FMNL2: variants seen among roughly 807,000 people sequenced by gnomAD.
The protein encoded by FMNL2 is formin like 2.
A neutral mutation model predicts 130.2 loss-of-function variants in FMNL2; 51 were observed. That is an observed-to-expected ratio of 0.39 (90% CI 0.31 to 0.49). The LOEUF is 0.49. Among genes scored for constraint, FMNL2 ranks in the 20% least tolerant of loss-of-function variants. FMNL2 has a pLI of 0.85. For synonymous variants in FMNL2, 465 were observed against 467.1 expected, an observed-to-expected ratio of 1.00 and a Z score of 0.06; for missense variants, 977 against 1,316.2, an observed-to-expected ratio of 0.74 and a Z score of 3.99.
intron 1 of FMNL2, among the ~76,000 whole-genome samples, chr2:152,427,150 A>G (rs1687242649): frequency 1.3e-5 from 2 of 152,244 alleles, no homozygotes; most frequent in South Asian, 4.1e-4. Context: ...AAACTAGCAT[A>G]AAATGAAAAT....
chr2:152,562,962 T>G lies in FMNL2; in HGVS notation c.596+1927T>G, dbSNP rs73968084. Among the ~76,000 whole-genome samples, 346 of 152,322 alleles carry G rather than the reference T, an allele frequency of 2.3e-3. 4 individuals are homozygous for G. Among genetic ancestry groups the G allele is most frequent in the African/African-American group, 7.9e-3 (329 of 41,576 alleles). Reference sequence around the variant, plus strand: ...AAGCTACCACCTTAGTAAGGATTTGTTTTTCTGGTTAATAATTCAGTATGC... The same window carrying G: ...AAGCTACCACCTTAGTAAGGATTTGGTTTTCTGGTTAATAATTCAGTATGC... On this transcript the variant is annotated intron_variant, in intron 6 of 25. Transcript: ENST00000288670.
chr2:152,622,235 T>C (rs1420679145), intron 15 of FMNL2, among the ~76,000 whole-genome samples: 1 of 152,204 alleles, frequency 6.6e-6, no homozygotes, highest in Non-Finnish European at 1.5e-5. Flanking sequence ...GTTGATTGTT[T>C]TTCATGTAAA....
At chr2:152,375,877 C>CTCTCTCTCTCTCTCTCTATATATA (rs796954245) in intron 1 of FMNL2, among the ~76,000 whole-genome samples, 5 of 112,482 alleles carry the variant, frequency 4.4e-5, no homozygotes, top group South Asian at 3.6e-4. Flanking sequence ...CTCTCTCTCT[C>CTCTCTCTCTCTCTCTCTATATATA]TATATATATA....
chr2:152,398,899 G>C (rs934123264), intron 1 of FMNL2, among the ~76,000 whole-genome samples: 3 of 152,152 alleles, frequency 2.0e-5, no homozygotes, highest in Non-Finnish European at 1.5e-5. Flanking sequence ...TATTTGGTTT[G>C]GGTAGGAAAA....
At chr2:152,626,383 C>G in intron 16 of FMNL2, 142 bp from the exon 17 acceptor site, 3 of 691,318 alleles carry the variant, frequency 4.3e-6, no homozygotes, top group Non-Finnish European at 7.3e-6. Flanking sequence ...ATAACAAAAA[C>G]AAGAAAAATA....
chr2:152,626,853 T>C, intron 17 of FMNL2, 126 bp downstream of exon 17: 1 of 982,182 alleles, frequency 1.0e-6, no homozygotes, highest in Non-Finnish European at 1.5e-6. Context: ...GAGCAATTTT[T>C]GATATCCACA....
Position 152,414,861 on chromosome 2 carries a change from A to G in FMNL2, c.117+79141A>G, listed in dbSNP as rs537439874. Among the ~76,000 whole-genome samples, 14 of 152,248 alleles carry G rather than the reference A, an allele frequency of 9.2e-5. No individual in the cohort carries two copies. The South Asian group carries it at 2.9e-3, about 32-fold the overall frequency. ...CATTAACTGTCAGCCATACCTGTGT[A>G]CCTCAACACTCACTGGTTGCTGCCT... On this transcript the variant is annotated intron_variant, in intron 1 of 25. Transcript: ENST00000288670.
chr2:152,602,933 G>A (rs973573555), intron 9 of FMNL2, among the ~76,000 whole-genome samples: 6 of 152,360 alleles, frequency 3.9e-5, no homozygotes, highest in Admixed American at 2.6e-4. Flanking sequence ...CACCCAGTGC[G>A]TGGGGGTGCT....
intron 1 of FMNL2, among the ~76,000 whole-genome samples, chr2:152,364,597 A>G (rs56220036): frequency 0.51 from 78,043 of 152,036 alleles, 24,076 homozygotes; most frequent in Non-Finnish European, 0.72. Context: ...CCAATACATT[A>G]ATCTATTTAG....
chr2:152,453,852 G>C (rs376644650), intron 1 of FMNL2, among the ~76,000 whole-genome samples: 1 of 152,306 alleles, frequency 6.6e-6, no homozygotes, highest in South Asian at 2.1e-4. Flanking sequence ...ATGTGCTCTC[G>C]TGTCCTAGCC....
rs1261470740 is a variant in FMNL2 at position 152,649,553 on chromosome 2, TCAA to T, written c.*1651_*1653del. On this transcript the variant is annotated 3_prime_UTR_variant, in exon 26 of 26. Coordinates refer to ENST00000288670, the MANE Select transcript of FMNL2 (RefSeq NM_052905.4). ...GCCACGATTTTGTCTTTCTGTGGAC[TCAA>T]CATTCACTTCGATTAAAAATAGCAA... The T allele has an allele frequency of 6.6e-6, 1 of 152,656 alleles. No homozygotes were observed. Among genetic ancestry groups the T allele is most frequent in the Non-Finnish European group, 1.5e-5 (1 of 68,042 alleles). 9.5% of individuals were successfully genotyped at this position (152,656 alleles called of 1,614,324 possible).
At chr2:152,505,707 C>T (rs1278534473) in intron 1 of FMNL2, among the ~76,000 whole-genome samples, 2 of 152,326 alleles carry the variant, frequency 1.3e-5, no homozygotes, top group Non-Finnish European at 2.9e-5. Context: ...TAAGGGTCAT[C>T]GGGCTCCAGC....
At chr2:152,354,496 C>T (rs558481137) in intron 1 of FMNL2, among the ~76,000 whole-genome samples, 12 of 152,062 alleles carry the variant, frequency 7.9e-5, no homozygotes, top group Non-Finnish European at 5.9e-5. Flanking sequence ...CCCAGTAAAC[C>T]CCTGCGTTAT....
Position 152,628,290 on chromosome 2 carries a change from T to C in FMNL2, c.2166-9T>C, listed in dbSNP as rs1030295648. The C allele has an allele frequency of 6.8e-6, 11 of 1,612,256 alleles. No individual in the cohort carries two copies. In the Admixed American group the frequency reaches 1.2e-4, roughly 17 times the overall value. The stretch of plus-strand genomic sequence containing the variant: ...TCTCTAATGCTAATCTCTCCACATC[T>C]GTCTTTAGATTTGACTTGAAGACAC... On this transcript the variant is annotated splice_polypyrimidine_tract_variant and intron_variant, in intron 17 of 25. Coordinates refer to ENST00000288670, the MANE Select transcript of FMNL2 (RefSeq NM_052905.4).
intron 1 of FMNL2, among the ~76,000 whole-genome samples, chr2:152,336,492 G>T (rs917539577): frequency 6.6e-6 from 1 of 152,166 alleles, no homozygotes; most frequent in African/African-American, 2.4e-5. Context: ...GCCCAGCCAG[G>T]TCCCCCGCTC....
chr2:152,549,864 C>A (rs555652074), intron 4 of FMNL2, among the ~76,000 whole-genome samples: 17 of 152,282 alleles, frequency 1.1e-4, no homozygotes, highest in African/African-American at 3.8e-4. Flanking sequence ...ATTGGGCAAG[C>A]TATTTAACCC....
intron 20 of FMNL2, among the ~76,000 whole-genome samples, chr2:152,631,213 C>T (rs1682136582): frequency 6.6e-6 from 1 of 151,738 alleles, no homozygotes; most frequent in Non-Finnish European, 1.5e-5. Flanking sequence ...TGGCGAAACC[C>T]TGTCTCTACT....
intron 1 of FMNL2, among the ~76,000 whole-genome samples, chr2:152,351,891 C>A (rs1472539585): frequency 9.9e-5 from 15 of 152,176 alleles, no homozygotes; most frequent in Non-Finnish European, 1.8e-4. Context: ...AATCACCATT[C>A]TAACTGGCAT....
At chr2:152,379,458 C>T (rs9677380) in intron 1 of FMNL2, among the ~76,000 whole-genome samples, 116,869 of 152,112 alleles carry the variant, frequency 0.77, 45,162 homozygotes, top group Admixed American at 0.85. Flanking sequence ...ATCTGGGCTG[C>T]CTTGATATAG....
Sources: gnomAD v4.1 joint callset for allele counts (sites outside exome capture counted in the v4.1 genomes callset) on GRCh38, gnomAD v4.1.1 for gene constraint, MANE v1.5 for transcripts, NCBI Gene and HGNC (gene_info 2026-07-23, HGNC 2026-07-21) for gene names.